The following PTPRD variants were observed in gnomAD, a reference collection of about 807,000 sequenced individuals.
PTPRD encodes the protein protein tyrosine phosphatase receptor type D.
A neutral mutation model predicts 214.5 loss-of-function variants in PTPRD; 34 were observed. The ratio of observed to expected loss-of-function variants is 0.16; its 90% CI spans 0.12 to 0.21. PTPRD has a LOEUF of 0.21. Among genes scored for constraint, PTPRD ranks in the 10% least tolerant of loss-of-function variants. The pLI, the probability that PTPRD is intolerant of heterozygous loss-of-function variation, is 1.00. For synonymous variants in PTPRD, 1,128 were observed against 845.7 expected (o/e 1.33, Z -5.79); for missense variants, 2,545 against 2,398.7 (o/e 1.06, Z -1.27).
At chr9:8,565,009 G>T (rs1014491974) in intron 14 of PTPRD, among the ~76,000 whole-genome samples, 3 of 152,150 alleles carry the variant, frequency 2.0e-5, no homozygotes, top group Non-Finnish European at 2.9e-5. Context: ...AAATACAAAA[G>T]CTCCTTCATT....
chr9:9,330,203 A>G (rs1209249490), intron 9 of PTPRD, among the ~76,000 whole-genome samples: 1 of 151,972 alleles, frequency 6.6e-6, no homozygotes, highest in African/African-American at 2.4e-5. Context: ...CCCAAAATAC[A>G]TGTTCATTCC....
chr9:9,711,875 C>T lies in PTPRD; in HGVS notation c.-287+22658G>A, dbSNP rs12686088. Among the ~76,000 whole-genome samples, 4,244 of 152,220 alleles carry T rather than the reference C, an allele frequency of 0.028. 440 individuals carry two copies. The East Asian group carries it at 0.36, about 13-fold the overall frequency. ...AGACATGCCTGATTCAGAGTCATGG[C>T]ATGATTTCCTAGCTAAACCACTACA... On this transcript the variant is annotated intron_variant, in intron 7 of 45. Transcript: ENST00000381196.
intron 8 of PTPRD, among the ~76,000 whole-genome samples, chr9:9,458,682 C>A (rs188217450): frequency 9.5e-4 from 145 of 152,134 alleles, no homozygotes; most frequent in African/African-American, 3.4e-3. Context: ...TGGCTCACTC[C>A]TTAATCCCAG....
intron 5 of PTPRD, among the ~76,000 whole-genome samples, chr9:9,937,290 T>G (rs901933707): frequency 6.6e-6 from 1 of 151,708 alleles, no homozygotes; most frequent in Non-Finnish European, 1.5e-5. Flanking sequence ...TTTATCTTTT[T>G]TCTCTATATA....
chr9:9,145,550 C>A (rs899669990), intron 10 of PTPRD, among the ~76,000 whole-genome samples: 1 of 152,120 alleles, frequency 6.6e-6, no homozygotes, highest in Non-Finnish European at 1.5e-5. Flanking sequence ...TAAACTCTAA[C>A]ATACCCCCTC....
chr9:10,091,354 A>G (rs2098427513), intron 3 of PTPRD, among the ~76,000 whole-genome samples: 1 of 151,518 alleles, frequency 6.6e-6, no homozygotes, highest in Non-Finnish European at 1.5e-5. Flanking sequence ...TTGTTACTAT[A>G]TTTAAAATAC....
intron 10 of PTPRD, among the ~76,000 whole-genome samples, chr9:9,065,109 A>G (rs1030265502): frequency 1.3e-5 from 2 of 152,198 alleles, no homozygotes; most frequent in Non-Finnish European, 2.9e-5. Context: ...ACATTTGACA[A>G]AAATCTCTTC....
chr9:9,082,401 C>T (rs2099760597), intron 10 of PTPRD, among the ~76,000 whole-genome samples: 1 of 152,096 alleles, frequency 6.6e-6, no homozygotes, highest in Non-Finnish European at 1.5e-5. Context: ...TAAAATTCAA[C>T]ACCGCTTCAT....
At chr9:8,918,803 A>G (rs1322810524) in intron 11 of PTPRD, among the ~76,000 whole-genome samples, 1 of 152,184 alleles carries the variant, frequency 6.6e-6, no homozygotes, top group Non-Finnish European at 1.5e-5. Flanking sequence ...AATATTGTGG[A>G]CCAAACTTTC....
chr9:10,462,625 T>C (rs2098966997), intron 2 of PTPRD, among the ~76,000 whole-genome samples: 1 of 152,048 alleles, frequency 6.6e-6, no homozygotes, highest in African/African-American at 2.4e-5. Flanking sequence ...GAGTAAGAGA[T>C]GTGCCTATTT....
At chr9:10,040,455 C>G (rs1441408) in intron 3 of PTPRD, among the ~76,000 whole-genome samples, 1 of 152,006 alleles carries the variant, frequency 6.6e-6, no homozygotes, top group Admixed American at 6.6e-5. Flanking sequence ...TTACTATAAC[C>G]TAATTGCCAC....
rs145293865 is a variant in PTPRD, at chr9:9,885,797, G to A, written c.-368+52710C>T. Reference sequence around the variant, plus strand: ...AGACTTCTGATCTCCAGAACTGTAAGATAGTAATTTTGTATGCTTTGTGCC... The same window carrying A: ...AGACTTCTGATCTCCAGAACTGTAAAATAGTAATTTTGTATGCTTTGTGCC... On this transcript the variant is annotated intron_variant, in intron 5 of 45. Coordinates refer to ENST00000381196, the MANE Select transcript of PTPRD (RefSeq NM_002839.4). 5.9e-5 allele frequency among the ~76,000 whole-genome samples: 9 copies of A among 152,006 alleles called. No individual in the cohort carries two copies. In the East Asian group the frequency reaches 1.7e-3, roughly 29 times the overall value.
intron 9 of PTPRD, among the ~76,000 whole-genome samples, chr9:9,208,056 C>T (rs1355163429): frequency 6.3e-5 from 2 of 31,656 alleles, no homozygotes; most frequent in South Asian, 2.1e-3. Flanking sequence ...GCTTCGCTCT[C>T]TCTCCCAGTC....
At chr9:8,567,623 T>C (rs1272136047) in intron 14 of PTPRD, among the ~76,000 whole-genome samples, 1 of 152,214 alleles carries the variant, frequency 6.6e-6, no homozygotes, top group Admixed American at 6.5e-5. Flanking sequence ...AATTCAGTTA[T>C]ATTTGCGTGT....
At chr9:9,038,231 G>A (rs2099628072) in intron 10 of PTPRD, among the ~76,000 whole-genome samples, 1 of 152,108 alleles carries the variant, frequency 6.6e-6, no homozygotes, top group Non-Finnish European at 1.5e-5. Flanking sequence ...AAACTGAGAA[G>A]GCAATGTATG....
rs1414557 is a variant in PTPRD at position 10,471,937 on chromosome 9, C to A, written c.-599-130920G>T. On this transcript the variant is annotated intron_variant, in intron 2 of 45. Transcript: ENST00000381196. ...TAAATATCAAAGAAGTCACAAGGCC[C>A]GACAATTCAAAAAACGATCTTTGTG... Among the ~76,000 whole-genome samples the A allele has an allele frequency of 5.6e-3, 848 of 152,050 alleles. 7 individuals are homozygous for A. The highest frequency in any genetic ancestry group is 0.019 in the African/African-American group (798 of 41,524).
At chr9:10,001,262 G>A (rs933449309) in intron 4 of PTPRD, among the ~76,000 whole-genome samples, 1 of 151,980 alleles carries the variant, frequency 6.6e-6, no homozygotes, top group Non-Finnish European at 1.5e-5. Flanking sequence ...AATGAACCGA[G>A]CCCCCAAAAC....
chr9:10,535,542 G>GTA (rs2057559108), intron 2 of PTPRD, among the ~76,000 whole-genome samples: 2 of 152,056 alleles, frequency 1.3e-5, no homozygotes, highest in African/African-American at 4.8e-5. Context: ...ATTGGAAAAT[G>GTA]TATACTGTTT....
chr9:9,077,433 TTTTCCATTGCTAAC>T (rs1459371097), intron 10 of PTPRD, among the ~76,000 whole-genome samples: 2 of 152,200 alleles, frequency 1.3e-5, no homozygotes, highest in East Asian at 3.9e-4. Flanking sequence ...GTAGTAAGTC[TTTTCCATTGCTAAC>T]TTTGGTGATT....
Sources: allele counts gnomAD v4.1 joint callset (sites outside exome capture counted in the v4.1 genomes callset), GRCh38; gene constraint gnomAD v4.1.1; transcripts MANE v1.5; gene names NCBI Gene and HGNC (gene_info 2026-07-23, HGNC 2026-07-21).